Variants in LDAH observed in about 807,000 individuals in gnomAD.
LDAH encodes lipid droplet-associated hydrolase.
LDAH carries 26 observed loss-of-function variants against 29.6 expected under a neutral mutation model. The ratio of observed to expected loss-of-function variants is 0.88; its 90% CI spans 0.64 to 1.22. The LOEUF is 1.22. Among genes scored for constraint, LDAH ranks in the 50% most tolerant of loss-of-function variants. The pLI, the probability that LDAH is intolerant of heterozygous loss-of-function variation, is 0.00. For synonymous variants in LDAH, 117 were observed against 133.0 expected (o/e 0.88, Z 0.83); for missense variants, 344 against 387.3 (o/e 0.89, Z 0.94).
intron 4 of LDAH, among the ~76,000 whole-genome samples, chr2:20,765,750 C>T (rs1357332019): frequency 6.6e-6 from 1 of 152,156 alleles, no homozygotes; most frequent in Non-Finnish European, 1.5e-5. Context: ...GGGCTTCTCT[C>T]AGCCTCGTGG....
chr2:20,780,926 C>T (rs994684736), intron 3 of LDAH, among the ~76,000 whole-genome samples: 2 of 152,160 alleles, frequency 1.3e-5, no homozygotes, highest in Non-Finnish European at 2.9e-5. Context: ...CACTCCCAGT[C>T]CTGGCAAGAG....
chr2:20,812,497 A>G (rs959918937), intron 1 of LDAH, among the ~76,000 whole-genome samples: 3 of 152,220 alleles, frequency 2.0e-5, no homozygotes, highest in Non-Finnish European at 4.4e-5. Context: ...AGCAAGTATC[A>G]AAATCATCTT....
chr2:20,686,740 A>C lies in LDAH; in HGVS notation c.*163T>G. ...ATGGAATGATTCATCAACTGTGTTT[A>C]CTTCAGCCTATAACATGGCGAGCGG... On this transcript the variant is annotated 3_prime_UTR_variant, in exon 7 of 7. Coordinates refer to ENST00000237822, the MANE Select transcript of LDAH (RefSeq NM_021925.4). 1 of 582,484 alleles carries C rather than the reference A, an allele frequency of 1.7e-6. No individual in the cohort carries two copies. The highest frequency in any genetic ancestry group is 3.0e-6 in the Non-Finnish European group (1 of 336,086). 36.1% of individuals were successfully genotyped at this position (582,484 alleles called of 1,614,324 possible). A position where few individuals can be genotyped will look rare whatever the true frequency, so the allele number is the denominator to read the frequency against.
chr2:20,697,728 C>T (rs1287670240), intron 6 of LDAH, among the ~76,000 whole-genome samples: 1 of 152,166 alleles, frequency 6.6e-6, no homozygotes, highest in Non-Finnish European at 1.5e-5. Flanking sequence ...GGCTTCTTTG[C>T]TTGCGGTGTA....
chr2:20,723,530 A>G (rs1665807057), intron 5 of LDAH, among the ~76,000 whole-genome samples: 1 of 152,196 alleles, frequency 6.6e-6, no homozygotes, highest in African/African-American at 2.4e-5. Flanking sequence ...TTTTTTCATC[A>G]GGGAATGTAC....
chr2:20,764,639 CTG>C (rs143485639), intron 4 of LDAH, among the ~76,000 whole-genome samples: 2,015 of 152,312 alleles, frequency 0.013, 42 homozygotes, highest in African/African-American at 0.046. Context: ...AAAACACTCA[CTG>C]TGTGTTTGAA....
intron 6 of LDAH, among the ~76,000 whole-genome samples, chr2:20,693,689 T>C (rs576906986): frequency 6.6e-6 from 1 of 152,384 alleles, no homozygotes; most frequent in East Asian, 1.9e-4. Context: ...TGGTTGAGCA[T>C]CTTCCAAATG....
At chr2:20,745,646 T>C (rs1667516944) in intron 4 of LDAH, among the ~76,000 whole-genome samples, 1 of 152,108 alleles carries the variant, frequency 6.6e-6, no homozygotes, top group African/African-American at 2.4e-5. Flanking sequence ...TACTTTCTAT[T>C]TGTCAAATAA....
At chr2:20,732,849 G>A (rs1666505968) in intron 5 of LDAH, among the ~76,000 whole-genome samples, 1 of 151,680 alleles carries the variant, frequency 6.6e-6, no homozygotes, top group South Asian at 2.1e-4. Flanking sequence ...TTCTTCCATT[G>A]ATTTTCTCTA....
At chr2:20,749,727 A>G (rs779419575) in intron 4 of LDAH, among the ~76,000 whole-genome samples, 6 of 152,242 alleles carry the variant, frequency 3.9e-5, no homozygotes, top group Non-Finnish European at 7.3e-5. Context: ...AACCTTGGGA[A>G]TATAAGCAGT....
intron 5 of LDAH, among the ~76,000 whole-genome samples, chr2:20,714,856 C>A (rs930436706): frequency 6.6e-6 from 1 of 152,160 alleles, no homozygotes; most frequent in Non-Finnish European, 1.5e-5. Flanking sequence ...TCTGAATAGA[C>A]CAATAACAGG....
chr2:20,787,281 CTTTT>C (rs1160904015), intron 3 of LDAH, among the ~76,000 whole-genome samples: 1 of 152,042 alleles, frequency 6.6e-6, no homozygotes, highest in African/African-American at 2.4e-5. Flanking sequence ...TTTTGTTCAG[CTTTT>C]TTCTTTTCTT....
chr2:20,717,167 T>C (rs895141614), intron 5 of LDAH, among the ~76,000 whole-genome samples: 1 of 152,128 alleles, frequency 6.6e-6, no homozygotes, highest in African/African-American at 2.4e-5. Context: ...GAAGATAACA[T>C]AGGAGAATAT....
intron 5 of LDAH, among the ~76,000 whole-genome samples, chr2:20,710,310 T>C (rs767880369): frequency 1.3e-5 from 2 of 152,070 alleles, no homozygotes; most frequent in African/African-American, 2.4e-5. Flanking sequence ...AAAAACTTTA[T>C]GTCATGAATG....
At chr2:20,813,710 C>T (rs1265964485) in intron 1 of LDAH, among the ~76,000 whole-genome samples, 1 of 152,190 alleles carries the variant, frequency 6.6e-6, no homozygotes, top group East Asian at 1.9e-4. Context: ...GTATCTTTCC[C>T]TCTGCAACCC....
intron 4 of LDAH, among the ~76,000 whole-genome samples, chr2:20,750,959 A>T (rs1348524997): frequency 6.6e-6 from 1 of 152,342 alleles, no homozygotes; most frequent in East Asian, 1.9e-4. Context: ...TTAAACATTG[A>T]GCACATATGG....
At chr2:20,736,500 T>C (rs58548792) in intron 5 of LDAH, among the ~76,000 whole-genome samples, 84,353 of 151,900 alleles carry the variant, frequency 0.56, 26,028 homozygotes, top group South Asian at 0.79. Context: ...AATACACTGC[T>C]GCAAAATGAC....
At chr2:20,696,844 G>T (rs1477182494) in intron 6 of LDAH, among the ~76,000 whole-genome samples, 1 of 152,036 alleles carries the variant, frequency 6.6e-6, no homozygotes, top group African/African-American at 2.4e-5. Flanking sequence ...TCTTCCCTTG[G>T]TTTATTTCAT....
rs570712705 is a variant in LDAH, at chr2:20,714,035, T to C, written c.704-12383A>G. ...TCAGCTCTGCACCAAGCAGACCTAA[T>C]AGACATCTACAGAACACTCCACCCC... On this transcript the variant is annotated intron_variant, in intron 5 of 6. Coordinates refer to ENST00000237822, the MANE Select transcript of LDAH (RefSeq NM_021925.4). 1.1e-3 allele frequency among the ~76,000 whole-genome samples: 160 copies of C among 152,276 alleles called. 1 individual carries two copies. The South Asian group carries it at 0.015, about 14-fold the overall frequency.
Sources: gnomAD v4.1 joint callset for allele counts (sites outside exome capture counted in the v4.1 genomes callset) on GRCh38, gnomAD v4.1.1 for gene constraint, MANE v1.5 for transcripts, NCBI Gene and HGNC (gene_info 2026-07-23, HGNC 2026-07-21) for gene names.